Variants in CNTNAP2 observed in about 807,000 individuals in gnomAD.
CNTNAP2 encodes the protein contactin-associated protein-like 2.
CNTNAP2 carries 98 observed loss-of-function variants against 155.2 expected under a neutral mutation model. The ratio of observed to expected loss-of-function variants is 0.63; its 90% CI spans 0.54 to 0.75. The LOEUF is 0.75. CNTNAP2 is among the 30% of genes least tolerant of loss of function. The probability of loss-of-function intolerance (pLI) is 0.00; values close to 1 mark genes in which losing one functional copy is unlikely to be tolerated. For synonymous variants in CNTNAP2, 651 were observed against 631.2 expected (o/e 1.03, Z -0.47); for missense variants, 1,727 against 1,688.1 (o/e 1.02, Z -0.40).
intron 9 of CNTNAP2, among the ~76,000 whole-genome samples, chr7:147,318,735 G>A (rs772146920): frequency 8.5e-5 from 13 of 152,094 alleles, no homozygotes; most frequent in Middle Eastern, 3.2e-3. Context: ...AAACCTAGAT[G>A]GCGGGTTGAT....
At chr7:146,428,685 C>T (rs775975247) in intron 1 of CNTNAP2, among the ~76,000 whole-genome samples, 4 of 151,446 alleles carry the variant, frequency 2.6e-5, no homozygotes, top group Non-Finnish European at 5.9e-5. Flanking sequence ...AAAATCTTCT[C>T]CCATTTTGTA....
chr7:148,182,662 A>G (rs1472362551), intron 18 of CNTNAP2, among the ~76,000 whole-genome samples: 1 of 152,234 alleles, frequency 6.6e-6, no homozygotes, highest in Non-Finnish European at 1.5e-5. Context: ...CCAACTGGTT[A>G]CAAGAGTGTT....
At chr7:146,933,247 T>C (rs1796821934) in intron 3 of CNTNAP2, among the ~76,000 whole-genome samples, 1 of 151,738 alleles carries the variant, frequency 6.6e-6, no homozygotes, top group South Asian at 2.1e-4. Flanking sequence ...GAGATATAGA[T>C]CAATGGAACA....
intron 1 of CNTNAP2, among the ~76,000 whole-genome samples, chr7:146,721,873 G>GTGTGTGTA (rs1563204273): frequency 1.2e-5 from 1 of 86,048 alleles, no homozygotes; most frequent in African/African-American, 1.4e-4. Context: ...GTGTGTGTGT[G>GTGTGTGTA]TGTATATATA....
chr7:147,361,355 AG>A (rs1280307992), intron 9 of CNTNAP2, among the ~76,000 whole-genome samples: 9 of 152,176 alleles, frequency 5.9e-5, no homozygotes, highest in African/African-American at 2.2e-4. Context: ...TAGGTTATTC[AG>A]TTTTGTGTGC....
At chr7:148,177,549 T>C (rs1237790223) in intron 18 of CNTNAP2, among the ~76,000 whole-genome samples, 1 of 152,234 alleles carries the variant, frequency 6.6e-6, no homozygotes, top group Non-Finnish European at 1.5e-5. Flanking sequence ...TAATTCTTGC[T>C]CTTAACAAGG....
At chr7:146,528,844 T>C (rs1797728209) in intron 1 of CNTNAP2, among the ~76,000 whole-genome samples, 2 of 151,994 alleles carry the variant, frequency 1.3e-5, no homozygotes, top group South Asian at 4.2e-4. Context: ...CAGGATGAGC[T>C]CAGTTACACC....
chr7:147,106,324 C>T (rs1181025167), intron 4 of CNTNAP2, among the ~76,000 whole-genome samples: 1 of 152,024 alleles, frequency 6.6e-6, no homozygotes, highest in Non-Finnish European at 1.5e-5. Flanking sequence ...ATACGTTCTC[C>T]TTTATTTCTC....
At chr7:147,014,879 AT>A (rs1798691523) in intron 3 of CNTNAP2, among the ~76,000 whole-genome samples, 1 of 152,168 alleles carries the variant, frequency 6.6e-6, no homozygotes, top group Admixed American at 6.6e-5. Flanking sequence ...CTAATATGTT[AT>A]TCTCTTTTGT....
At chr7:147,601,552 G>T (rs189716245) in intron 12 of CNTNAP2, among the ~76,000 whole-genome samples, 219 of 150,946 alleles carry the variant, frequency 1.5e-3, no homozygotes, top group African/African-American at 4.9e-3. Flanking sequence ...ATACGTGCAG[G>T]TCACAGGTGA....
At position 147,818,311 on chromosome 7, in the gene CNTNAP2, C is replaced by A. The variant is rs576611761; in HGVS notation, c.2099-85254C>A. Among the ~76,000 whole-genome samples the A allele has an allele frequency of 4.6e-5, 7 of 152,236 alleles. No homozygotes were observed. In the South Asian group the frequency reaches 1.0e-3, roughly 23 times the overall value. ...GAAATTCCTATTAATAGACAGTCTT[C>A]AATCAAGAACATATTAGTTCTGCTA... On this transcript the variant is annotated intron_variant, in intron 13 of 23. Transcript: ENST00000361727.
intron 14 of CNTNAP2, among the ~76,000 whole-genome samples, chr7:147,951,391 T>C (rs1800927840): frequency 1.3e-5 from 2 of 152,148 alleles, no homozygotes; most frequent in Non-Finnish European, 2.9e-5. Flanking sequence ...TGACCATCAG[T>C]AGGCTTTATA....
chr7:146,941,513 A>G (rs1263335156), intron 3 of CNTNAP2, among the ~76,000 whole-genome samples: 1 of 152,156 alleles, frequency 6.6e-6, no homozygotes, highest in African/African-American at 2.4e-5. Context: ...CTAATGATAT[A>G]CATGATTTAC....
At position 147,260,619 on chromosome 7, in the gene CNTNAP2, A is replaced by C. The variant is rs1259937951; in HGVS notation, c.1349-39522A>C. ...AATAGTGATACCACAGAACCTGTAT[A>C]ATTTTTTTCCTCCGTGATTTTGTAG... On this transcript the variant is annotated intron_variant, in intron 8 of 23. Transcript: ENST00000361727. 1.3e-5 allele frequency among the ~76,000 whole-genome samples: 2 copies of C among 152,166 alleles called. 1 individual carries two copies. The highest frequency in any genetic ancestry group is 2.9e-5 in the Non-Finnish European group (2 of 68,016).
intron 3 of CNTNAP2, among the ~76,000 whole-genome samples, chr7:147,043,142 C>A (rs1162865629): frequency 1.3e-5 from 2 of 152,052 alleles, no homozygotes; most frequent in Admixed American, 6.6e-5. Flanking sequence ...TGGTTTCACA[C>A]ATCCTTGAAT....
intron 4 of CNTNAP2, among the ~76,000 whole-genome samples, chr7:147,046,821 A>G (rs1799365880): frequency 6.6e-6 from 1 of 151,960 alleles, no homozygotes. Flanking sequence ...CGAGGTCAGG[A>G]GATCGAGACC....
chr7:147,442,858 A>G (rs536999822), intron 10 of CNTNAP2, among the ~76,000 whole-genome samples: 1 of 152,206 alleles, frequency 6.6e-6, no homozygotes, highest in South Asian at 2.1e-4. Context: ...CTATCCTGCT[A>G]TAGAAGAGCT....
At chr7:148,118,743 G>A (rs1314412174) in intron 16 of CNTNAP2, among the ~76,000 whole-genome samples, 3 of 152,148 alleles carry the variant, frequency 2.0e-5, no homozygotes, top group Non-Finnish European at 4.4e-5. Flanking sequence ...GGAGACCACA[G>A]GACTGGGCAA....
intron 15 of CNTNAP2, among the ~76,000 whole-genome samples, chr7:148,024,727 A>T (rs1273317477): frequency 6.6e-6 from 1 of 152,212 alleles, no homozygotes; most frequent in East Asian, 1.9e-4. Context: ...AAAGGTGAGA[A>T]TCATCAAATT....
Sources: gnomAD v4.1 joint callset for allele counts (sites outside exome capture counted in the v4.1 genomes callset) on GRCh38, gnomAD v4.1.1 for gene constraint, MANE v1.5 for transcripts, NCBI Gene and HGNC (gene_info 2026-07-23, HGNC 2026-07-21) for gene names.